The following POLN variants were observed in gnomAD, a reference collection of about 807,000 sequenced individuals.
POLN encodes DNA polymerase nu, also known as DNA polymerase N.
Under a neutral mutation model 113.5 loss-of-function variants are expected in POLN, and 108 were observed. The observed-to-expected ratio is 0.95, with a 90% CI of 0.81 to 1.12. The LOEUF (loss-of-function observed/expected upper bound fraction) is 1.12. Among genes scored for constraint, POLN ranks in the 50% most tolerant of loss-of-function variants. The pLI is 0.00. For synonymous variants in POLN, 386 were observed against 391.5 expected, an observed-to-expected ratio of 0.99 and a Z score of 0.17; for missense variants, 1,097 against 1,077.1, an observed-to-expected ratio of 1.02 and a Z score of -0.26.
At chr4:2,082,753 T>A (rs1481001986) in intron 21 of POLN, 1 of 152,276 alleles carries the variant, frequency 6.6e-6, no homozygotes, top group Admixed American at 6.5e-5. Flanking sequence ...CTGCTCTGAC[T>A]TGGTCCCTTT....
intron 3 of POLN, 42 bp downstream of exon 3, chr4:2,229,057 T>C (rs759032524): frequency 5.2e-6 from 8 of 1,531,616 alleles, no homozygotes; most frequent in Non-Finnish European, 7.1e-6. Flanking sequence ...CAATTAACAT[T>C]CAAAGTATCA....
chr4:2,081,947 C>CTTTTT lies in POLN; in HGVS notation c.2198-209_2198-205dup, dbSNP rs71167773. Among the ~76,000 whole-genome samples the CTTTTT allele has an allele frequency of 4.4e-4, 41 of 92,550 alleles. 4 individuals carry two copies. The highest frequency in any genetic ancestry group is 2.2e-3 in the African/African-American group (35 of 16,102). The allele number at this position is 92,550 out of a possible 152,430, so 60.7% of individuals were successfully genotyped here. ...GAGGGTCTGAGCTGGGCACTCTGCA[C>CTTTTT]TTTTTTTTTTTTTTTTTTTTTTTTT... On this transcript the variant is annotated intron_variant, in intron 21 of 25. Transcript: ENST00000511885.
At chr4:2,213,678 G>A (rs997137367) in intron 3 of POLN, among the ~76,000 whole-genome samples, 18 of 152,042 alleles carry the variant, frequency 1.2e-4, no homozygotes, top group African/African-American at 4.1e-4. Flanking sequence ...AACCTGAAAT[G>A]CAAATAGGGG....
Position 2,081,713 on chromosome 4 carries a change from C to T in POLN, c.2228G>A (p.Arg743Lys), listed in dbSNP as rs1730425278. The T allele has an allele frequency of 6.2e-7, 1 of 1,614,000 alleles. No individual in the cohort carries two copies. Among genetic ancestry groups the T allele is most frequent in the Admixed American group, 1.7e-5 (1 of 60,004 alleles). ...ATGAGCGTGAATCCTTGGCAGGGGT[C>T]TCCTTCTGCCCATGATGGACACCAC... ...GCVVSIMGRR[R>K]PLPRIHAHDQ... Residue 743 changes from arginine to lysine, a missense_variant, in exon 22 of 26, where the codon AGA (arginine) becomes AAA (lysine). Transcript: ENST00000511885.
chr4:2,165,779 T>C (rs1429760528), intron 13 of POLN, among the ~76,000 whole-genome samples: 1 of 151,834 alleles, frequency 6.6e-6, no homozygotes, highest in Non-Finnish European at 1.5e-5. Flanking sequence ...AACTAAAAAA[T>C]AGTCTTTTTT....
intron 13 of POLN, among the ~76,000 whole-genome samples, 162 bp downstream of exon 13, chr4:2,170,517 A>G (rs979814974): frequency 6.6e-6 from 1 of 152,180 alleles, no homozygotes; most frequent in African/African-American, 2.4e-5. Context: ...CTTGGTCCAT[A>G]GCGAGAAAAG....
At chr4:2,153,557 AAT>A (rs1732343562) in intron 16 of POLN, among the ~76,000 whole-genome samples, 1 of 152,012 alleles carries the variant, frequency 6.6e-6, no homozygotes, top group African/African-American at 2.4e-5. Context: ...CTATTGTTTG[AAT>A]TCTTTAGAAA....
rs1444142430 is a variant in POLN at position 2,095,840 on chromosome 4, C to T, written c.2065+11G>A. 4 of 1,613,758 alleles carry T rather than the reference C, an allele frequency of 2.5e-6. No individual in the cohort carries two copies. Among genetic ancestry groups the T allele is most frequent in the Non-Finnish European group, 3.4e-6 (4 of 1,179,892 alleles). On this transcript the variant is annotated intron_variant, in intron 20 of 25. Transcript: ENST00000511885. ...TAACCCCGAGACCCCAGCTCCCGGCCCGCAGCCTACCTGCTCCATAGACCA... is the reference window on the plus strand; with the variant it reads ...TAACCCCGAGACCCCAGCTCCCGGCTCGCAGCCTACCTGCTCCATAGACCA...
intron 20 of POLN, chr4:2,090,450 G>T: frequency 1.7e-6 from 1 of 580,254 alleles, no homozygotes; most frequent in Non-Finnish European, 3.2e-6. Context: ...CTTCATGATC[G>T]TATTCTTCTA....
rs1730269131 is a variant in POLN, at chr4:2,076,120, G to A, written c.2388-601C>T. Among the ~76,000 whole-genome samples, 3 of 152,132 alleles carry A rather than the reference G, an allele frequency of 2.0e-5. No individual in the cohort carries two copies. The South Asian group carries it at 6.2e-4, about 31-fold the overall frequency. ...GCCCCTCAGGTGCCCCTCCCAGGGC[G>A]TCAGCAGGGAGAGCAAGTGGGACCC... On this transcript the variant is annotated intron_variant, in intron 23 of 25. Transcript: ENST00000511885.
chr4:2,074,939 T>C (rs1381311248), intron 24 of POLN, among the ~76,000 whole-genome samples: 1 of 152,008 alleles, frequency 6.6e-6, no homozygotes, highest in Non-Finnish European at 1.5e-5. Flanking sequence ...AGCTAACTCA[T>C]CTATGGGCCG....
chr4:2,195,815 A>G (rs921613557), intron 6 of POLN, among the ~76,000 whole-genome samples: 1 of 152,210 alleles, frequency 6.6e-6, no homozygotes, highest in African/African-American at 2.4e-5. Context: ...TAGTTGGTAG[A>G]GGAAAGTTCT....
intron 19 of POLN, among the ~76,000 whole-genome samples, chr4:2,125,482 C>T (rs1731555965): frequency 6.6e-6 from 1 of 152,164 alleles, no homozygotes; most frequent in Admixed American, 6.5e-5. Context: ...CAAGAGAAGA[C>T]AGGAAGTCAA....
intron 19 of POLN, among the ~76,000 whole-genome samples, chr4:2,112,433 T>C (rs1205823973): frequency 6.6e-6 from 1 of 151,948 alleles, no homozygotes. Flanking sequence ...GAAACCACCA[T>C]CAGAGTGAAC....
In POLN at chr4:2,148,663, T is replaced by TCCGC. The variant is rs1187233626; in HGVS notation, c.1731+8124_1731+8125insGCGG. Among the ~76,000 whole-genome samples the TCCGC allele has an allele frequency of 8.3e-3, 328 of 39,324 alleles. 1 individual carries two copies. Among genetic ancestry groups the TCCGC allele is most frequent in the African/African-American group, 0.018 (310 of 17,398 alleles). The allele number at this position is 39,324 out of a possible 152,430, so 25.8% of individuals were successfully genotyped here. A position where few individuals can be genotyped will look rare whatever the true frequency, so the allele number is the denominator to read the frequency against. On this transcript the variant is annotated intron_variant, in intron 16 of 25. Coordinates refer to ENST00000511885, the MANE Select transcript of POLN (RefSeq NM_181808.4). ...GCCTGGGCGACAGAGCGAGACTCTGTCCCCCCCCCAAAAAAAAAAAGTATG... is the reference window on the plus strand; with the variant it reads ...GCCTGGGCGACAGAGCGAGACTCTGTCCGCCCCCCCCCCAAAAAAAAAAAGTATG...
In POLN at chr4:2,092,947, G is replaced by A. The variant is rs150548580; in HGVS notation, c.2065+2904C>T. On this transcript the variant is annotated intron_variant, in intron 20 of 25. Transcript: ENST00000511885. ...GATACACAGTAATTCCAGCTGTCAAGCCAGACCGGAACAATGGGAACAGCA... is the reference window on the plus strand; with the variant it reads ...GATACACAGTAATTCCAGCTGTCAAACCAGACCGGAACAATGGGAACAGCA... Among the ~76,000 whole-genome samples the A allele has an allele frequency of 1.3e-3, 193 of 152,358 alleles. 3 individuals carry two copies. The highest frequency in any genetic ancestry group is 4.0e-3 in the African/African-American group (165 of 41,584).
chr4:2,103,881 T>A (rs1220507264), intron 19 of POLN, among the ~76,000 whole-genome samples: 1 of 152,186 alleles, frequency 6.6e-6, no homozygotes, highest in Non-Finnish European at 1.5e-5. Flanking sequence ...ATAACCTTCA[T>A]AAATGAAGGA....
At chr4:2,090,362 C>CA (rs769538334) in intron 20 of POLN, 38 of 710,298 alleles carry the variant, frequency 5.3e-5, no homozygotes, top group Non-Finnish European at 8.2e-5. Flanking sequence ...CTCATGTGAT[C>CA]AAGGCATGAA....
intron 13 of POLN, among the ~76,000 whole-genome samples, chr4:2,160,545 C>G (rs964912020): frequency 6.6e-6 from 1 of 152,010 alleles, no homozygotes; most frequent in Non-Finnish European, 1.5e-5. Context: ...AGTAGCTGGA[C>G]TACAGGTGCA....
Sources: allele counts gnomAD v4.1 joint callset (sites outside exome capture counted in the v4.1 genomes callset), GRCh38; gene constraint gnomAD v4.1.1; transcripts MANE v1.5; gene names NCBI Gene and HGNC (gene_info 2026-07-23, HGNC 2026-07-21).